The following CALD1 variants were observed in gnomAD, a reference collection of about 807,000 sequenced individuals.
The protein encoded by CALD1 is caldesmon.
Under a neutral mutation model 99.9 loss-of-function variants are expected in CALD1, and 33 were observed. The ratio of observed to expected loss-of-function variants is 0.33; its 90% CI spans 0.25 to 0.44. CALD1 has a LOEUF of 0.44. CALD1 is among the 20% of genes least tolerant of loss of function. The pLI, the probability that CALD1 is intolerant of heterozygous loss-of-function variation, is 1.00. For missense variants in CALD1, 861 were observed against 962.1 expected (o/e 0.89, Z 1.39); for synonymous variants, 310 against 325.0 (o/e 0.95, Z 0.50).
chr7:134,964,498 T>C (rs1808520346), intron 13 of CALD1, among the ~76,000 whole-genome samples: 1 of 152,088 alleles, frequency 6.6e-6, no homozygotes, highest in South Asian at 2.1e-4. Context: ...CAGTCAGCCA[T>C]TGAGGACTGC....
chr7:134,895,661 T>C (rs1174731111), intron 3 of CALD1, among the ~76,000 whole-genome samples: 3 of 152,124 alleles, frequency 2.0e-5, no homozygotes, highest in Admixed American at 1.3e-4. Flanking sequence ...AAAGTAAAAA[T>C]CAACAATCTG....
intron 1 of CALD1, among the ~76,000 whole-genome samples, chr7:134,813,013 T>C (rs1365202863): frequency 6.6e-6 from 1 of 152,060 alleles, no homozygotes; most frequent in Non-Finnish European, 1.5e-5. Flanking sequence ...GAGGGTGAGA[T>C]GTGCTAGAAG....
At chr7:134,721,934 G>A in the CALD1 span, among the ~76,000 whole-genome samples, 2 of 152,122 alleles carry the variant, frequency 1.3e-5, no homozygotes, top group South Asian at 2.1e-4. Flanking sequence ...TGGGGTTTCC[G>A]TTTGGCTCTA....
chr7:134,967,101 T>C (rs547598225), intron 14 of CALD1, among the ~76,000 whole-genome samples: 12 of 152,232 alleles, frequency 7.9e-5, no homozygotes, highest in South Asian at 2.1e-4. Context: ...CTGGATAACA[T>C]TCCTCCTAGC....
chr7:134,853,959 G>T lies in CALD1; in HGVS notation c.-42+9988G>T, dbSNP rs186458142. On this transcript the variant is annotated intron_variant, in intron 2 of 14. Coordinates refer to ENST00000361675, the MANE Select transcript of CALD1 (RefSeq NM_033138.4). ...CTTCCAATTATGAGTGAGAACATGC[G>T]GTGTTTGGTTTTCTGTTCTTGTGTT... Among the ~76,000 whole-genome samples, 489 of 149,530 alleles carry T rather than the reference G, an allele frequency of 3.3e-3. 2 individuals are homozygous for T. The highest frequency in any genetic ancestry group is 0.011 in the African/African-American group (459 of 40,600).
chr7:134,895,096 A>T (rs1471346246), intron 3 of CALD1, among the ~76,000 whole-genome samples: 1 of 67,830 alleles, frequency 1.5e-5, no homozygotes, highest in Non-Finnish European at 3.2e-5. Context: ...AGTGCTGGGA[A>T]ATAAATAAAT....
At chr7:134,746,112 C>T (rs919727896) in intron 1 of CALD1, among the ~76,000 whole-genome samples, 1 of 152,168 alleles carries the variant, frequency 6.6e-6, no homozygotes, top group African/African-American at 2.4e-5. Context: ...GAATGCTCTC[C>T]CATGCTCTGG....
At chr7:134,826,052 T>TA (rs949916176) in intron 1 of CALD1, among the ~76,000 whole-genome samples, 10 of 151,758 alleles carry the variant, frequency 6.6e-5, no homozygotes, top group Non-Finnish European at 1.3e-4. Flanking sequence ...ACTGTTTATA[T>TA]AAAAAAAACT....
chr7:134,882,745 A>T (rs1471013627), intron 3 of CALD1, among the ~76,000 whole-genome samples: 1 of 152,244 alleles, frequency 6.6e-6, no homozygotes, highest in Admixed American at 6.5e-5. Context: ...TAGAATGTTT[A>T]GCATACAATA....
At chr7:134,829,642 C>T (rs1310150712) in intron 1 of CALD1, among the ~76,000 whole-genome samples, 3 of 152,184 alleles carry the variant, frequency 2.0e-5, no homozygotes, top group East Asian at 1.9e-4. Context: ...AGATTATACA[C>T]GACATTGTAG....
Position 134,950,649 on chromosome 7 carries a change from G to A in CALD1, c.1935+135G>A. 5 of 731,590 alleles carry A rather than the reference G, an allele frequency of 6.8e-6. No individual in the cohort carries two copies. The South Asian group carries it at 9.7e-5, about 14-fold the overall frequency. The allele number at this position is 731,590 out of a possible 1,614,324, so 45.3% of individuals were successfully genotyped here. ...CCTTCCAAGTTAATCTGTTCAGGCT[G>A]CTATAACAAAATACTTTAGACTGGG... On this transcript the variant is annotated intron_variant, in intron 9 of 14. Transcript: ENST00000361675.
At chr7:134,799,798 A>G (rs544375967) in intron 1 of CALD1, among the ~76,000 whole-genome samples, 1 of 152,302 alleles carries the variant, frequency 6.6e-6, no homozygotes, top group South Asian at 2.1e-4. Context: ...TAATCAGGCA[A>G]GGTTGTTCCC....
At chr7:134,811,621 C>T (rs1411478706) in intron 1 of CALD1, among the ~76,000 whole-genome samples, 4 of 152,294 alleles carry the variant, frequency 2.6e-5, no homozygotes, top group Non-Finnish European at 4.4e-5. Flanking sequence ...AATGGAAATA[C>T]TTAGATAGAT....
upstream of CALD1, among the ~76,000 whole-genome samples, chr7:134,777,579 C>T (rs1796929446): frequency 6.6e-6 from 1 of 152,148 alleles, no homozygotes; most frequent in African/African-American, 2.4e-5. Flanking sequence ...TGCTGTTCCA[C>T]CAAAGGGCAT....
chr7:134,747,920 A>G (rs570005843), intron 1 of CALD1, among the ~76,000 whole-genome samples: 2 of 152,194 alleles, frequency 1.3e-5, no homozygotes, highest in African/African-American at 4.8e-5. Flanking sequence ...TGTGATTCCC[A>G]TCTGGGAGAA....
chr7:134,824,335 A>G (rs886423240), intron 1 of CALD1, among the ~76,000 whole-genome samples: 16 of 152,196 alleles, frequency 1.1e-4, no homozygotes, highest in Non-Finnish European at 2.1e-4. Context: ...AAATAATCCA[A>G]CCATTTTTGT....
At chr7:134,836,718 A>G (rs914914275) in intron 1 of CALD1, among the ~76,000 whole-genome samples, 29 of 152,234 alleles carry the variant, frequency 1.9e-4, no homozygotes, top group African/African-American at 5.8e-4. Flanking sequence ...CAGAAATTTC[A>G]TAAGACCGCA....
At chr7:134,965,987 A>G (rs1324337793) in intron 14 of CALD1, among the ~76,000 whole-genome samples, 1 of 152,180 alleles carries the variant, frequency 6.6e-6, no homozygotes, top group African/African-American at 2.4e-5. Context: ...GAACATCTAA[A>G]TGATGCTTAC....
At position 134,970,039 on chromosome 7, in the gene CALD1, A is replaced by G. The variant is rs761304937; in HGVS notation, c.*1694A>G. The G allele has an allele frequency of 2.0e-5, 3 of 152,308 alleles. No homozygotes were observed. Among genetic ancestry groups the G allele is most frequent in the East Asian group, 1.9e-4 (1 of 5,204 alleles). 9.4% of individuals were successfully genotyped at this position (152,308 alleles called of 1,614,324 possible). A position where few individuals can be genotyped will look rare whatever the true frequency, so the allele number is the denominator to read the frequency against. The stretch of plus-strand genomic sequence containing the variant: ...AAGTGACATCTGCGTTACAAAGTCT[A>G]TCTTCCTCATAAGTCTGTAAAGAGC... On this transcript the variant is annotated 3_prime_UTR_variant, in exon 15 of 15. Transcript: ENST00000361675.
Sources: allele counts gnomAD v4.1 joint callset (sites outside exome capture counted in the v4.1 genomes callset), GRCh38; gene constraint gnomAD v4.1.1; transcripts MANE v1.5; gene names NCBI Gene and HGNC (gene_info 2026-07-23, HGNC 2026-07-21).